The following ESF1 variants were observed in gnomAD, a reference collection of about 807,000 sequenced individuals.
The protein encoded by ESF1 is ESF1 homolog.
ESF1 carries 58 observed loss-of-function variants against 92.0 expected under a neutral mutation model. The observed-to-expected ratio is 0.63, with a 90% confidence interval of 0.51 to 0.78. ESF1 has a LOEUF of 0.78. ESF1 is among the 30% of genes least tolerant of loss of function. ESF1 has a pLI of 0.00. For missense variants in ESF1, 922 were observed against 989.1 expected, an observed-to-expected ratio of 0.93 and a Z score of 0.91; for synonymous variants, 321 against 313.7, an observed-to-expected ratio of 1.02 and a Z score of -0.24.
chr20:13,752,257 G>A (rs1464870866), intron 9 of ESF1, among the ~76,000 whole-genome samples: 1 of 152,160 alleles, frequency 6.6e-6, no homozygotes, highest in East Asian at 1.9e-4. Context: ...TTAACTGGAT[G>A]ATTCAAGGAA....
rs1979071244 is a variant in ESF1 at position 13,759,774 on chromosome 20, G to A, written c.1746C>T (p.Tyr582=). The A allele has an allele frequency of 1.3e-6, 2 of 1,584,476 alleles. No homozygotes were observed. The highest frequency in any genetic ancestry group is 2.8e-5 in the African/African-American group (2 of 72,520). Reference sequence around the variant, plus strand: ...CTTGAATAACCTGCAAGAGCTGCCTGTATTTAGCAATTTGTTCTTCATCAT... The same window carrying A: ...CTTGAATAACCTGCAAGAGCTGCCTATATTTAGCAATTTGTTCTTCATCAT... ...QKDDEEQIAK[Y]RQLLQVIQEK... The change falls in exon 9 of 14, where the codon TAC becomes TAT. Residue 582 remains tyrosine (Y), a synonymous_variant. Transcript: ENST00000617257.
intron 9 of ESF1, among the ~76,000 whole-genome samples, chr20:13,742,672 A>T (rs2050022842): frequency 6.6e-6 from 1 of 152,198 alleles, no homozygotes; most frequent in South Asian, 2.1e-4. Context: ...TATAGAAGTT[A>T]AATGGATGAC....
At chr20:13,742,063 C>A (rs528319106) in intron 9 of ESF1, among the ~76,000 whole-genome samples, 3 of 152,050 alleles carry the variant, frequency 2.0e-5, no homozygotes, top group East Asian at 1.9e-4. Flanking sequence ...ATATCACCAC[C>A]CTTATAAAGT....
intron 2 of ESF1, among the ~76,000 whole-genome samples, chr20:13,776,839 A>G (rs1433582832): frequency 6.6e-6 from 1 of 152,210 alleles, no homozygotes; most frequent in Admixed American, 6.5e-5. Context: ...TGTTTGAAAG[A>G]GCAAGGAAGG....
intron 9 of ESF1, among the ~76,000 whole-genome samples, chr20:13,736,437 A>G (rs1288885939): frequency 6.6e-6 from 1 of 152,194 alleles, no homozygotes; most frequent in Non-Finnish European, 1.5e-5. Context: ...GTGCTTGATT[A>G]TATGTCTTCC....
chr20:13,748,147 C>T (rs1037334969), intron 9 of ESF1, among the ~76,000 whole-genome samples: 1 of 152,180 alleles, frequency 6.6e-6, no homozygotes, highest in African/African-American at 2.4e-5. Context: ...TTTTCCATAG[C>T]TTGCCTTATA....
At chr20:13,717,289 T>G (rs963159917) in intron 13 of ESF1, 79 bp downstream of exon 13, 3 of 1,538,684 alleles carry the variant, frequency 1.9e-6, no homozygotes, top group Non-Finnish European at 2.7e-6. Context: ...TAACTTTGAC[T>G]ATGCTCAATT....
intron 8 of ESF1, 120 bp downstream of exon 8, chr20:13,766,657 A>G (rs772315556): frequency 3.5e-5 from 31 of 882,970 alleles, no homozygotes; most frequent in Non-Finnish European, 4.9e-5. Flanking sequence ...ATCAATCACT[A>G]TCTACAGGTA....
intron 11 of ESF1, among the ~76,000 whole-genome samples, chr20:13,723,823 A>G (rs1392923825): frequency 2.0e-5 from 3 of 152,218 alleles, no homozygotes; most frequent in Admixed American, 6.5e-5. Flanking sequence ...CAAATTCATT[A>G]TATCTTAAAT....
chr20:13,784,808 C>T (rs1256970033), intron 1 of ESF1, 72 bp downstream of exon 1: 5 of 540,650 alleles, frequency 9.2e-6, no homozygotes, highest in Admixed American at 3.2e-5. Flanking sequence ...TAGTTTTTTC[C>T]CCGCGCCACA....
chr20:13,770,906 A>G (rs1979653080), intron 6 of ESF1, among the ~76,000 whole-genome samples: 1 of 152,232 alleles, frequency 6.6e-6, no homozygotes, highest in African/African-American at 2.4e-5. Flanking sequence ...ACTGACTTAT[A>G]AATTTTAACT....
At chr20:13,747,859 T>C (rs1420808448) in intron 9 of ESF1, among the ~76,000 whole-genome samples, 1 of 152,202 alleles carries the variant, frequency 6.6e-6, no homozygotes, top group Non-Finnish European at 1.5e-5. Context: ...TATACAAACC[T>C]AGATGTTATA....
At chr20:13,757,412 G>A (rs560873733) in intron 9 of ESF1, among the ~76,000 whole-genome samples, 20 of 152,138 alleles carry the variant, frequency 1.3e-4, no homozygotes, top group African/African-American at 4.6e-4. Flanking sequence ...TTGTTTGTTT[G>A]TTTGAGACAG....
chr20:13,755,073 A>C (rs929065726), intron 9 of ESF1, among the ~76,000 whole-genome samples: 2 of 152,130 alleles, frequency 1.3e-5, no homozygotes, highest in African/African-American at 4.8e-5. Flanking sequence ...TTTCTCCTTC[A>C]CCGGAGTATA....
intron 9 of ESF1, among the ~76,000 whole-genome samples, chr20:13,734,369 T>C (rs1310127887): frequency 6.6e-6 from 1 of 152,168 alleles, no homozygotes; most frequent in Non-Finnish European, 1.5e-5. Flanking sequence ...AAATATCCCA[T>C]GAGCAAAGGA....
chr20:13,764,435 G>A (rs1266889711), intron 8 of ESF1, among the ~76,000 whole-genome samples: 2 of 152,082 alleles, frequency 1.3e-5, no homozygotes, highest in Non-Finnish European at 2.9e-5. Context: ...TAAGCAAAGA[G>A]CATATACATT....
At position 13,782,691 on chromosome 20, in the gene ESF1, T is replaced by C; in HGVS notation, c.450A>G (p.Ser150=). 1 of 1,590,102 alleles carries C rather than the reference T, an allele frequency of 6.3e-7. No homozygotes were observed. Among genetic ancestry groups the C allele is most frequent in the South Asian group, 1.2e-5 (1 of 84,846 alleles). The change falls in exon 2 of 14, where the codon TCA becomes TCG. Residue 150 remains serine (S), a synonymous_variant. Transcript: ENST00000617257. The part of the protein sequence containing the change: ...MKTSCKFKID[S]NISPKKDSKE... The stretch of plus-strand genomic sequence containing the variant: ...TGCTATCCTTCTTCGGACTTATGTT[T>C]GAATCTATCTTAAATTTACATGAGG...
intron 9 of ESF1, among the ~76,000 whole-genome samples, chr20:13,734,782 ACAT>A (rs1037052809): frequency 6.6e-6 from 1 of 151,972 alleles, no homozygotes; most frequent in Non-Finnish European, 1.5e-5. Flanking sequence ...AAAAAAAGAG[ACAT>A]CATCAAACCA....
chr20:13,771,622 C>T, intron 5 of ESF1, 139 bp from the exon 6 acceptor site: 1 of 651,090 alleles, frequency 1.5e-6, no homozygotes, highest in Admixed American at 2.9e-5. Flanking sequence ...ATGACTTTGC[C>T]TTTATAAACA....
Sources: allele counts gnomAD v4.1 joint callset (sites outside exome capture counted in the v4.1 genomes callset), GRCh38; gene constraint gnomAD v4.1.1; transcripts MANE v1.5; gene names NCBI Gene and HGNC (gene_info 2026-07-23, HGNC 2026-07-21).